CPQ: variants seen among roughly 807,000 people sequenced by gnomAD.
CPQ encodes carboxypeptidase Q, also known as Ser-Met dipeptidase.
In CPQ, 37 loss-of-function variants were observed where a neutral mutation model predicts 45.7. The observed-to-expected ratio is 0.81, with a 90% CI of 0.62 to 1.07. The LOEUF is 1.07. CPQ is among the 50% of genes least tolerant of loss of function. CPQ has a pLI of 0.00. For synonymous variants in CPQ, 186 were observed against 205.8 expected (o/e 0.90, Z 0.82); for missense variants, 537 against 572.9 (o/e 0.94, Z 0.64).
intron 1 of CPQ, among the ~76,000 whole-genome samples, chr8:96,689,230 A>G (rs577477776): frequency 2.0e-5 from 3 of 152,310 alleles, no homozygotes; most frequent in Admixed American, 6.5e-5. Flanking sequence ...TCTACAATAC[A>G]GAAGCAGAAA....
At chr8:96,954,430 A>T (rs538390940) in intron 4 of CPQ, among the ~76,000 whole-genome samples, 21 of 152,252 alleles carry the variant, frequency 1.4e-4, no homozygotes, top group African/African-American at 5.1e-4. Context: ...AATCCACAAC[A>T]TGACAATAAT....
At chr8:96,649,370 T>C (rs759060432) in intron 1 of CPQ, among the ~76,000 whole-genome samples, 17 of 152,114 alleles carry the variant, frequency 1.1e-4, no homozygotes, top group Non-Finnish European at 2.1e-4. Context: ...TTCAGAAGAA[T>C]TGGGGAAGGA....
chr8:96,748,807 A>G (rs1810223207), intron 1 of CPQ, among the ~76,000 whole-genome samples: 2 of 152,134 alleles, frequency 1.3e-5, no homozygotes, highest in Admixed American at 6.6e-5. Flanking sequence ...CTTTGATTCC[A>G]TTTATGGAGC....
At chr8:96,991,880 A>C (rs1010723388) in intron 5 of CPQ, among the ~76,000 whole-genome samples, 1 of 152,146 alleles carries the variant, frequency 6.6e-6, no homozygotes, top group African/African-American at 2.4e-5. Context: ...TCCACTCTCC[A>C]TCATTGAGAA....
intron 2 of CPQ, among the ~76,000 whole-genome samples, chr8:96,812,812 G>A (rs1170854386): frequency 6.6e-6 from 1 of 151,764 alleles, no homozygotes; most frequent in Non-Finnish European, 1.5e-5. Flanking sequence ...TCTCTCCGAA[G>A]GTTTTTCCCT....
In CPQ at chr8:96,900,002, T is replaced by C. The variant is rs774130907; in HGVS notation, c.849+19997T>C. 2.6e-5 allele frequency among the ~76,000 whole-genome samples: 4 copies of C among 152,190 alleles called. No homozygotes were observed. In the South Asian group the frequency reaches 8.3e-4, roughly 31 times the overall value. On this transcript the variant is annotated intron_variant, in intron 4 of 7. Transcript: ENST00000220763. ...CTTTGATGGTCCTTTTGTTGTTGTT[T>C]TGATCCTCTTCTTCAAATTCCTGGT...
At chr8:96,809,787 T>C (rs949450364) in intron 2 of CPQ, among the ~76,000 whole-genome samples, 1 of 152,080 alleles carries the variant, frequency 6.6e-6, no homozygotes, top group Non-Finnish European at 1.5e-5. Context: ...AGTTCCCTCA[T>C]GAAAAAAATA....
intron 1 of CPQ, among the ~76,000 whole-genome samples, chr8:96,682,640 A>G (rs1563701386): frequency 6.6e-6 from 1 of 152,136 alleles, no homozygotes; most frequent in African/African-American, 2.4e-5. Context: ...GGGTGCTTGT[A>G]TGTTTGGAAT....
At chr8:96,795,544 T>C (rs192438998) in intron 2 of CPQ, among the ~76,000 whole-genome samples, 23 of 152,360 alleles carry the variant, frequency 1.5e-4, no homozygotes, top group African/African-American at 5.5e-4. Flanking sequence ...ATGTATTTTA[T>C]TTTATAAACT....
rs368919708 is a variant in CPQ at position 96,725,902 on chromosome 8, C to A, written c.-34-58962C>A. Among the ~76,000 whole-genome samples, 69 of 152,152 alleles carry A rather than the reference C, an allele frequency of 4.5e-4. 1 individual carries two copies. Among genetic ancestry groups the A allele is most frequent in the African/African-American group, 1.7e-3 (69 of 41,510 alleles). On this transcript the variant is annotated intron_variant, in intron 1 of 7. Transcript: ENST00000220763. ...ATAAACATCATGGAATACTACACAG[C>A]CATAAAAAATAAATAATGAAATTGT...
chr8:96,711,308 G>A (rs565945098), intron 1 of CPQ, among the ~76,000 whole-genome samples: 40 of 152,090 alleles, frequency 2.6e-4, no homozygotes, highest in Admixed American at 2.0e-3. Flanking sequence ...TAAGTGGAGC[G>A]TTTAGACAAT....
intron 7 of CPQ, among the ~76,000 whole-genome samples, chr8:97,127,457 G>A (rs1563588594): frequency 6.6e-6 from 1 of 152,142 alleles, no homozygotes; most frequent in Non-Finnish European, 1.5e-5. Flanking sequence ...GGAGGCCAAG[G>A]CCAGCAGATC....
At position 96,696,526 on chromosome 8, in the gene CPQ, G is replaced by A. The variant is rs531548897; in HGVS notation, c.-35+51124G>A. 1.1e-3 allele frequency among the ~76,000 whole-genome samples: 174 copies of A among 151,786 alleles called. 1 individual carries two copies. Among genetic ancestry groups the A allele is most frequent in the African/African-American group, 3.9e-3 (162 of 41,430 alleles). ...AGAAGAAAATAAATAATAAAGATCA[G>A]AGCAGAAATAAATAAAATTAAAATT... On this transcript the variant is annotated intron_variant, in intron 1 of 7. Transcript: ENST00000220763.
intron 3 of CPQ, among the ~76,000 whole-genome samples, chr8:96,853,068 T>C (rs566067702): frequency 6.6e-6 from 1 of 152,334 alleles, no homozygotes; most frequent in African/African-American, 2.4e-5. Context: ...TTTACTAAAA[T>C]AGGACTGTTA....
At chr8:96,668,326 T>G (rs1002288039) in intron 1 of CPQ, among the ~76,000 whole-genome samples, 2 of 152,230 alleles carry the variant, frequency 1.3e-5, no homozygotes, top group Admixed American at 6.5e-5. Flanking sequence ...ATATTGAAAA[T>G]CTAAACATGA....
At chr8:96,777,723 AATATATATATATATATATATATAT>A (rs71267279) in intron 1 of CPQ, among the ~76,000 whole-genome samples, 8 of 37,846 alleles carry the variant, frequency 2.1e-4, no homozygotes, top group African/African-American at 7.2e-4. Flanking sequence ...TGTCTTAGAA[AATATATATATATATATATATATAT>A]ATATATATAT....
intron 1 of CPQ, among the ~76,000 whole-genome samples, chr8:96,706,184 TAC>T (rs1809528637): frequency 6.6e-6 from 1 of 152,192 alleles, no homozygotes; most frequent in Non-Finnish European, 1.5e-5. Context: ...TTTTCTAGAC[TAC>T]TTGATTTTTC....
chr8:96,739,010 G>T (rs1315747610), intron 1 of CPQ, among the ~76,000 whole-genome samples: 3 of 151,484 alleles, frequency 2.0e-5, no homozygotes, highest in African/African-American at 4.9e-5. Flanking sequence ...GGTATTTCTA[G>T]TTCTAGATCC....
intron 4 of CPQ, among the ~76,000 whole-genome samples, chr8:96,938,620 A>G (rs1813084702): frequency 6.6e-6 from 1 of 152,110 alleles, no homozygotes; most frequent in African/African-American, 2.4e-5. Context: ...TGATGGAGGG[A>G]TGCAGCCAGT....
Sources: allele counts gnomAD v4.1 joint callset (sites outside exome capture counted in the v4.1 genomes callset), GRCh38; gene constraint gnomAD v4.1.1; transcripts MANE v1.5; gene names NCBI Gene and HGNC (gene_info 2026-07-23, HGNC 2026-07-21).